Variants in PPM1B observed in about 807,000 individuals in gnomAD.
The protein encoded by PPM1B is protein phosphatase, Mg2+/Mn2+ dependent 1B, also known as protein phosphatase 1B.
A neutral mutation model predicts 43.0 loss-of-function variants in PPM1B; 22 were observed. That is an observed-to-expected ratio of 0.51 (90% CI 0.37 to 0.73). The LOEUF is 0.73. PPM1B is among the 30% of genes least tolerant of loss of function. The probability of loss-of-function intolerance (pLI) is 0.00; values close to 1 mark genes in which losing one functional copy is unlikely to be tolerated. For synonymous variants in PPM1B, 217 were observed against 197.9 expected, an observed-to-expected ratio of 1.10 and a Z score of -0.81; for missense variants, 632 against 584.2, an observed-to-expected ratio of 1.08 and a Z score of -0.84.
intron 1 of PPM1B, among the ~76,000 whole-genome samples, chr2:44,175,344 G>A (rs558490137): frequency 6.6e-6 from 1 of 152,222 alleles, no homozygotes; most frequent in African/African-American, 2.4e-5. Flanking sequence ...GCTTTGGGAG[G>A]CTTTCTGCTT....
At chr2:44,198,747 G>A (rs1220766954) in intron 1 of PPM1B, among the ~76,000 whole-genome samples, 3 of 152,108 alleles carry the variant, frequency 2.0e-5, no homozygotes, top group South Asian at 2.1e-4. Flanking sequence ...GCTTGGTTTC[G>A]GACCAGACCT....
intron 5 of PPM1B, among the ~76,000 whole-genome samples, chr2:44,228,430 C>G (rs1670322507): frequency 6.6e-6 from 1 of 152,062 alleles, no homozygotes; most frequent in Non-Finnish European, 1.5e-5. Flanking sequence ...TACCCGTCTC[C>G]CAAAGTGGTG....
intron 5 of PPM1B, among the ~76,000 whole-genome samples, chr2:44,229,804 C>T (rs1444997773): frequency 1.3e-5 from 2 of 152,018 alleles, no homozygotes; most frequent in Non-Finnish European, 2.9e-5. Context: ...CCAAAATTCA[C>T]TAAAATATGA....
downstream of PPM1B, chr2:44,244,500 G>T (rs928160083): frequency 1.4e-5 from 10 of 723,402 alleles, no homozygotes; most frequent in Middle Eastern, 1.4e-3. Context: ...AACACCTGTG[G>T]CTTCTTGGCA....
At chr2:44,194,032 G>C (rs1253012936) in intron 1 of PPM1B, among the ~76,000 whole-genome samples, 1 of 151,830 alleles carries the variant, frequency 6.6e-6, no homozygotes, top group Non-Finnish European at 1.5e-5. Context: ...TTGTTTATTT[G>C]TTTGTTTGTT....
At chr2:44,204,299 A>G (rs1485238764) in intron 2 of PPM1B, among the ~76,000 whole-genome samples, 2 of 152,176 alleles carry the variant, frequency 1.3e-5, no homozygotes, top group Non-Finnish European at 2.9e-5. Context: ...AATTACTTTG[A>G]ATTTACTCAG....
At chr2:44,202,671 ATTAT>A (rs907095660) in intron 2 of PPM1B, among the ~76,000 whole-genome samples, 3 of 152,158 alleles carry the variant, frequency 2.0e-5, no homozygotes, top group Non-Finnish European at 4.4e-5. Flanking sequence ...AGATGTTTTT[ATTAT>A]TTCTGATTAA....
chr2:44,176,646 G>T (rs890917162), intron 1 of PPM1B, among the ~76,000 whole-genome samples: 1 of 152,102 alleles, frequency 6.6e-6, no homozygotes, highest in Non-Finnish European at 1.5e-5. Context: ...TTGGTAAAGA[G>T]GCCTCTTCTT....
At chr2:44,230,382 C>G in intron 5 of PPM1B, 31 bp from the exon 6 acceptor site, 1 of 1,603,284 alleles carries the variant, frequency 6.2e-7, no homozygotes, top group South Asian at 1.1e-5. Flanking sequence ...AGTTTGTCTA[C>G]TGACACTGGG....
chr2:44,190,366 C>A lies in PPM1B; in HGVS notation c.-14-10820C>A, dbSNP rs1047847447. Among the ~76,000 whole-genome samples, 2 of 151,988 alleles carry A rather than the reference C, an allele frequency of 1.3e-5. 1 individual carries two copies. Among genetic ancestry groups the A allele is most frequent in the Admixed American group, 1.3e-4 (2 of 15,238 alleles). The stretch of plus-strand genomic sequence containing the variant: ...TAGAGATGGAGTTTCACCATGTTGG[C>A]CAGGCTGGTCTCAAACTCTTGAAGT... On this transcript the variant is annotated intron_variant, in intron 1 of 5. Transcript: ENST00000282412.
rs186468139 is a variant in PPM1B, at chr2:44,220,054, T to C, written c.1134+1517T>C. ...GAAATGAGTATAGGATGTTGACATA[T>C]GACTAAAAGGATGGTGGTAATTTGG... is the stretch of plus-strand genomic sequence containing the variant. On this transcript the variant is annotated intron_variant, in intron 5 of 5. Transcript: ENST00000282412. 3.0e-3 allele frequency among the ~76,000 whole-genome samples: 460 copies of C among 152,140 alleles called. 1 individual carries two copies. Among genetic ancestry groups the C allele is most frequent in the South Asian group, 6.4e-3 (31 of 4,822 alleles).
At chr2:44,197,611 C>A (rs187514519) in intron 1 of PPM1B, among the ~76,000 whole-genome samples, 2 of 152,030 alleles carry the variant, frequency 1.3e-5, no homozygotes, top group African/African-American at 2.4e-5. Context: ...ATTTATATAA[C>A]TATTATTTAT....
intron 1 of PPM1B, among the ~76,000 whole-genome samples, chr2:44,179,307 A>G (rs999584482): frequency 6.6e-6 from 1 of 152,220 alleles, no homozygotes; most frequent in Admixed American, 6.5e-5. Flanking sequence ...CTTTATCTGC[A>G]GTGTGAAAAA....
chr2:44,212,637 T>TA, intron 3 of PPM1B, among the ~76,000 whole-genome samples: 1 of 152,320 alleles, frequency 6.6e-6, no homozygotes, highest in African/African-American at 2.4e-5. Flanking sequence ...TATTTTTTTT[T>TA]ATCCTCCATT....
intron 1 of PPM1B, among the ~76,000 whole-genome samples, chr2:44,184,775 A>G (rs566723476): frequency 6.6e-6 from 1 of 152,014 alleles, no homozygotes; most frequent in Non-Finnish European, 1.5e-5. Context: ...ATTCAGGAGA[A>G]TCATGTTTTT....
downstream of PPM1B, among the ~76,000 whole-genome samples, chr2:44,236,198 C>G (rs1285623455): frequency 2.0e-5 from 3 of 151,784 alleles, no homozygotes; most frequent in Admixed American, 6.6e-5. Context: ...CAGTTTGAGA[C>G]CAGCCTGGCT....
downstream of PPM1B, among the ~76,000 whole-genome samples, chr2:44,239,205 C>G (rs1170343600): frequency 6.8e-6 from 1 of 147,446 alleles, no homozygotes; most frequent in Non-Finnish European, 1.5e-5. Flanking sequence ...AAAAAAAATC[C>G]GGTTGGATAA....
chr2:44,200,280 A>G (rs770253153), intron 1 of PPM1B, among the ~76,000 whole-genome samples: 30 of 152,222 alleles, frequency 2.0e-4, no homozygotes, highest in Non-Finnish European at 4.0e-4. Context: ...TGTAGAAAAC[A>G]TACCAGAGAA....
At chr2:44,220,012 A>G (rs181164782) in intron 5 of PPM1B, among the ~76,000 whole-genome samples, 117 of 152,194 alleles carry the variant, frequency 7.7e-4, no homozygotes, top group African/African-American at 2.7e-3. Context: ...TATGTGATCC[A>G]TCAGAGAACC....
Sources: gnomAD v4.1 joint callset for allele counts (sites outside exome capture counted in the v4.1 genomes callset) on GRCh38, gnomAD v4.1.1 for gene constraint, MANE v1.5 for transcripts, NCBI Gene and HGNC (gene_info 2026-07-23, HGNC 2026-07-21) for gene names.